The following RIC1 variants were observed in gnomAD, a reference collection of about 807,000 sequenced individuals.
RIC1 encodes the protein guanine nucleotide exchange factor subunit RIC1.
RIC1 carries 88 observed loss-of-function variants against 169.0 expected under a neutral mutation model. The ratio of observed to expected loss-of-function variants is 0.52; its 90% CI spans 0.44 to 0.62. RIC1 has a LOEUF of 0.62. Among genes scored for constraint, RIC1 ranks in the 20% least tolerant of loss-of-function variants. The pLI, the probability that RIC1 is intolerant of heterozygous loss-of-function variation, is 0.00. For synonymous variants in RIC1, 790 were observed against 601.5 expected, an observed-to-expected ratio of 1.31 and a Z score of -4.59; for missense variants, 1,877 against 1,725.5, an observed-to-expected ratio of 1.09 and a Z score of -1.56.
intron 7 of RIC1, 23 bp from the exon 8 acceptor site, chr9:5,738,427 G>A: frequency 6.6e-7 from 1 of 1,519,122 alleles, no homozygotes; most frequent in Non-Finnish European, 9.0e-7. Flanking sequence ...TTCACTAAAA[G>A]TTTTTCGTTG....
intron 1 of RIC1, among the ~76,000 whole-genome samples, chr9:5,645,956 T>TC (rs1335216480): frequency 6.6e-6 from 1 of 151,672 alleles, no homozygotes; most frequent in Non-Finnish European, 1.5e-5. Flanking sequence ...TAGGTTTTTT[T>TC]TTTTTTTGAG....
intron 1 of RIC1, among the ~76,000 whole-genome samples, chr9:5,648,908 C>A (rs1294852443): frequency 6.6e-6 from 1 of 152,122 alleles, no homozygotes; most frequent in East Asian, 1.9e-4. Context: ...TTTTTAGTTT[C>A]TTGTCAGATG....
intron 4 of RIC1, chr9:5,719,348 C>G (rs1823452564): frequency 6.6e-6 from 1 of 152,180 alleles, no homozygotes; most frequent in African/African-American, 2.4e-5. Flanking sequence ...GGCTATTTCC[C>G]CATTAAAGAA....
intron 3 of RIC1, among the ~76,000 whole-genome samples, chr9:5,712,365 T>A (rs1822984337): frequency 6.6e-6 from 1 of 152,178 alleles, no homozygotes; most frequent in African/African-American, 2.4e-5. Context: ...TTAAAGAGCT[T>A]CTGCGCAGCA....
chr9:5,715,167 C>T (rs1823156502), intron 4 of RIC1, among the ~76,000 whole-genome samples: 1 of 152,166 alleles, frequency 6.6e-6, no homozygotes, highest in South Asian at 2.1e-4. Context: ...GGTTATTCAT[C>T]ACTTCACATT....
chr9:5,712,246 T>C (rs889438991), intron 3 of RIC1, among the ~76,000 whole-genome samples: 3 of 152,206 alleles, frequency 2.0e-5, no homozygotes, highest in African/African-American at 7.2e-5. Flanking sequence ...TGTTGTTTCC[T>C]GACTTTTTAA....
At chr9:5,647,604 C>T (rs1563866690) in intron 1 of RIC1, among the ~76,000 whole-genome samples, 1 of 152,136 alleles carries the variant, frequency 6.6e-6, no homozygotes, top group Non-Finnish European at 1.5e-5. Flanking sequence ...TTGTATTCTG[C>T]AGTTTTCCTG....
At chr9:5,757,802 A>G (rs1249953691) in intron 17 of RIC1, among the ~76,000 whole-genome samples, 1 of 152,172 alleles carries the variant, frequency 6.6e-6, no homozygotes, top group Non-Finnish European at 1.5e-5. Context: ...GAGGGGATGG[A>G]TTTTCAGGTG....
chr9:5,744,528 C>A (rs894286901), intron 10 of RIC1, among the ~76,000 whole-genome samples: 2 of 152,096 alleles, frequency 1.3e-5, no homozygotes, highest in Non-Finnish European at 2.9e-5. Flanking sequence ...CAAATACATT[C>A]TTGGGGATGG....
chr9:5,663,370 A>G (rs1819567601), intron 2 of RIC1, among the ~76,000 whole-genome samples: 1 of 152,112 alleles, frequency 6.6e-6, no homozygotes, highest in South Asian at 2.1e-4. Context: ...AGTTCAGATC[A>G]TGAATATCTG....
In RIC1 at chr9:5,759,022, C is replaced by T. The variant is rs78110358; in HGVS notation, c.1992+1571C>T. 7.1e-3 allele frequency among the ~76,000 whole-genome samples: 1,078 copies of T among 151,934 alleles called. 18 individuals carry two copies. The highest frequency in any genetic ancestry group is 0.024 in the African/African-American group (988 of 41,446). ...CCTCCCAAAGTGCTGGGATTAAGGG[C>T]GTGAGCCATCGTGCTCGGCCTTGGT... is the stretch of plus-strand genomic sequence containing the variant. On this transcript the variant is annotated intron_variant, in intron 17 of 25. Coordinates refer to ENST00000414202, the MANE Select transcript of RIC1 (RefSeq NM_020829.4).
At chr9:5,720,881 A>G (rs897396795) in intron 6 of RIC1, 131 bp downstream of exon 6, 6 of 786,068 alleles carry the variant, frequency 7.6e-6, no homozygotes, top group South Asian at 6.2e-5. Context: ...CAAACCAAAC[A>G]TATAAATAGT....
At chr9:5,632,394 T>C (rs1407196949) in intron 1 of RIC1, among the ~76,000 whole-genome samples, 3 of 152,240 alleles carry the variant, frequency 2.0e-5, no homozygotes, top group Non-Finnish European at 4.4e-5. Context: ...ATGTACTACT[T>C]ATACCTACTG....
chr9:5,746,050 T>C lies in RIC1; in HGVS notation c.1215T>C (p.Phe405=). The change falls in exon 11 of 26, where the codon TTT becomes TTC. Residue 405 remains phenylalanine, a synonymous_variant. Coordinates refer to ENST00000414202, the MANE Select transcript of RIC1 (RefSeq NM_020829.4). ...AGCCCAGCATCCTGTTATTTCAGTT[T>C]ATTAAGAGTGTACTCACTGTAAACC... ...VKQPSILLFQ[F]IKSVLTVNPC... is the part of the protein sequence containing the mutation. 1 of 1,613,698 alleles carries C rather than the reference T, an allele frequency of 6.2e-7. No homozygotes were observed. The highest frequency in any genetic ancestry group is 8.5e-7 in the Non-Finnish European group (1 of 1,179,652).
At chr9:5,657,464 G>C (rs1373622129) in intron 2 of RIC1, among the ~76,000 whole-genome samples, 1 of 152,088 alleles carries the variant, frequency 6.6e-6, no homozygotes, top group African/African-American at 2.4e-5. Flanking sequence ...TTAATCTTTA[G>C]ATAAGTGCTT....
intron 2 of RIC1, among the ~76,000 whole-genome samples, chr9:5,674,193 G>T (rs1820297066): frequency 6.6e-6 from 1 of 152,076 alleles, no homozygotes; most frequent in South Asian, 2.1e-4. Flanking sequence ...ACTATTGGCA[G>T]TTTATTTTTG....
intron 19 of RIC1, among the ~76,000 whole-genome samples, chr9:5,764,376 C>T (rs991446270): frequency 6.6e-6 from 1 of 152,198 alleles, no homozygotes; most frequent in African/African-American, 2.4e-5. Flanking sequence ...TGAGAAGGCT[C>T]AGGCCTGCCA....
intron 1 of RIC1, among the ~76,000 whole-genome samples, chr9:5,632,354 T>A (rs905091822): frequency 6.6e-6 from 1 of 152,228 alleles, no homozygotes; most frequent in Non-Finnish European, 1.5e-5. Context: ...TCTCTAACTG[T>A]ACATTATATG....
Position 5,773,014 on chromosome 9 carries a change from A to T in RIC1, c.3917A>T (p.Asp1306Val), listed in dbSNP as rs1282719794. The change falls in exon 25 of 26, where the codon GAT becomes GTT. Residue 1306 changes from aspartate (D) to valine (V), a missense_variant. Physicochemically the swap from Asp to Val is radical, Grantham distance 152. This residue lies in a region of RIC1 where 681 missense variants were observed against 582.0 expected (regional missense o/e 1.17). Coordinates refer to ENST00000414202, the MANE Select transcript of RIC1 (RefSeq NM_020829.4). ...GTTATTACACAGTCTTCAGAGGTAG[A>T]TGGAGAGATGTTACAGAACATAAAG... ...ILVITQSSEVDGEMLQNIKTG... is the reference protein window; with the variant it reads ...ILVITQSSEVVGEMLQNIKTG... 1.9e-6 allele frequency: 3 copies of T among 1,613,706 alleles called. No homozygotes were observed. The highest frequency in any genetic ancestry group is 2.5e-6 in the Non-Finnish European group (3 of 1,179,766).
Sources: allele counts gnomAD v4.1 joint callset (sites outside exome capture counted in the v4.1 genomes callset), GRCh38; gene constraint gnomAD v4.1.1; regional missense constraint gnomAD v4.1.1; transcripts MANE v1.5; gene names NCBI Gene and HGNC (gene_info 2026-07-23, HGNC 2026-07-21).